The following PPTC7 variants were observed in gnomAD, a reference collection of about 807,000 sequenced individuals.
PPTC7 encodes the protein protein phosphatase PTC7 homolog.
PPTC7 carries 6 observed loss-of-function variants against 30.8 expected under a neutral mutation model. That is an observed-to-expected ratio of 0.19 (90% CI 0.11 to 0.38). The LOEUF (loss-of-function observed/expected upper bound fraction) is 0.38, where lower values mean the gene tolerates loss of function less well. Ranked by LOEUF, PPTC7 falls within the 10% of genes least tolerant of loss-of-function variation. PPTC7 has a pLI of 1.00. For synonymous variants in PPTC7, 163 were observed against 168.1 expected (o/e 0.97, Z 0.23); for missense variants, 218 against 404.8 (o/e 0.54, Z 3.96).
chr12:110,561,124 T>C (rs1364596281), intron 1 of PPTC7, among the ~76,000 whole-genome samples: 2 of 152,202 alleles, frequency 1.3e-5, no homozygotes, highest in Non-Finnish European at 2.9e-5. Context: ...GCAATATTTA[T>C]TGCAGTACGA....
At position 110,539,803 on chromosome 12, in the gene PPTC7, T is replaced by A. The variant is rs1176819291; in HGVS notation, c.726+19A>T. On this transcript the variant is annotated intron_variant, in intron 4 of 5. Coordinates refer to ENST00000354300, the MANE Select transcript of PPTC7 (RefSeq NM_139283.2). ...AGAGAGGGCCACTTTTCCCAAGAGC[T>A]AACCTTTGAGTTAATTACCTTTAAC... The A allele has an allele frequency of 6.2e-7, 1 of 1,612,462 alleles. No homozygotes were observed. Among genetic ancestry groups the A allele is most frequent in the Non-Finnish European group, 8.5e-7 (1 of 1,179,196 alleles).
At position 110,583,143 on chromosome 12, in the gene PPTC7, A is replaced by C; in HGVS notation, c.-112T>G. ...TCGCGCCGCCGCTGGGGCGCTCCTC[A>C]GGGCGGCGCGCAGTGGCCGCCGCCG... On this transcript the variant is annotated 5_prime_UTR_variant, in exon 1 of 6. Coordinates refer to ENST00000354300, the MANE Select transcript of PPTC7 (RefSeq NM_139283.2). The C allele has an allele frequency of 1.3e-6, 1 of 750,138 alleles. No homozygotes were observed. The highest frequency in any genetic ancestry group is 1.8e-6 in the Non-Finnish European group (1 of 568,100). 46.5% of individuals were successfully genotyped at this position (750,138 alleles called of 1,614,324 possible).
intron 1 of PPTC7, among the ~76,000 whole-genome samples, chr12:110,557,372 T>A (rs1167357362): frequency 6.6e-6 from 1 of 152,180 alleles, no homozygotes; most frequent in African/African-American, 2.4e-5. Context: ...ACTCCTGGGC[T>A]CAAGTATTCC....
intron 1 of PPTC7, among the ~76,000 whole-genome samples, chr12:110,552,920 A>C (rs989862816): frequency 6.6e-6 from 1 of 151,972 alleles, no homozygotes; most frequent in Non-Finnish European, 1.5e-5. Flanking sequence ...ACTTAGTATG[A>C]AAAAAAGTAA....
intron 1 of PPTC7, among the ~76,000 whole-genome samples, chr12:110,556,730 C>A (rs143419451): frequency 6.6e-6 from 1 of 152,188 alleles, no homozygotes; most frequent in Non-Finnish European, 1.5e-5. Context: ...GCATGCTGCG[C>A]TAGGAAATAA....
At chr12:110,580,103 C>T (rs960457622) in intron 1 of PPTC7, among the ~76,000 whole-genome samples, 1 of 151,876 alleles carries the variant, frequency 6.6e-6, no homozygotes, top group Non-Finnish European at 1.5e-5. Context: ...AGGGTCAGAT[C>T]GTCCATTCCC....
At chr12:110,539,090 C>A (rs1296580005) in intron 4 of PPTC7, among the ~76,000 whole-genome samples, 3 of 152,184 alleles carry the variant, frequency 2.0e-5, no homozygotes, top group Non-Finnish European at 4.4e-5. Flanking sequence ...ACTGACTGCA[C>A]TCCACAGACA....
At chr12:110,563,862 T>C (rs1236204206) in intron 1 of PPTC7, among the ~76,000 whole-genome samples, 1 of 152,242 alleles carries the variant, frequency 6.6e-6, no homozygotes, top group Non-Finnish European at 1.5e-5. Flanking sequence ...TTCTGGGCAG[T>C]TGCCTTGTCT....
intron 1 of PPTC7, among the ~76,000 whole-genome samples, chr12:110,572,358 T>G (rs891337610): frequency 7.2e-5 from 11 of 152,116 alleles, no homozygotes; most frequent in African/African-American, 2.7e-4. Flanking sequence ...GGAGAATCGC[T>G]TGAACCCGGG....
chr12:110,557,417 GAC>G (rs1198582168), intron 1 of PPTC7, among the ~76,000 whole-genome samples: 3 of 151,980 alleles, frequency 2.0e-5, no homozygotes, highest in Non-Finnish European at 4.4e-5. Context: ...TGGGATTACA[GAC>G]ACACCCTGAT....
chr12:110,577,859 A>ATGTTAT (rs1365596545), intron 1 of PPTC7, among the ~76,000 whole-genome samples: 5 of 152,162 alleles, frequency 3.3e-5, no homozygotes, highest in African/African-American at 1.2e-4. Flanking sequence ...CATGCAGAGG[A>ATGTTAT]GTTTTTGTTG....
intron 1 of PPTC7, among the ~76,000 whole-genome samples, chr12:110,576,522 T>C (rs1476793179): frequency 2.6e-5 from 4 of 152,192 alleles, no homozygotes; most frequent in Non-Finnish European, 5.9e-5. Context: ...ATAAATATAA[T>C]GGAACATTAT....
chr12:110,574,733 A>G (rs983598103), intron 1 of PPTC7, among the ~76,000 whole-genome samples: 1 of 152,134 alleles, frequency 6.6e-6, no homozygotes, highest in Non-Finnish European at 1.5e-5. Flanking sequence ...CTGTTAGGAA[A>G]CAAATTATTT....
chr12:110,547,828 G>C (rs957705965), intron 2 of PPTC7, among the ~76,000 whole-genome samples: 1 of 152,168 alleles, frequency 6.6e-6, no homozygotes, highest in Non-Finnish European at 1.5e-5. Flanking sequence ...GAATAGTTCA[G>C]GCGTGGTGGG....
chr12:110,581,133 G>A (rs2064633727), intron 1 of PPTC7, among the ~76,000 whole-genome samples: 2 of 152,138 alleles, frequency 1.3e-5, no homozygotes, highest in Non-Finnish European at 2.9e-5. Flanking sequence ...AAGCAACACA[G>A]GGGCCAGGCT....
chr12:110,533,594 GTTTT>G lies in PPTC7; in HGVS notation c.*3439_*3442del, dbSNP rs988418822. ...TGTTTTGTTTCATAAGCAGATTTTG[GTTTT>G]TTGATACTGTAAAATTTTTAAAATG... is the stretch of plus-strand genomic sequence containing the variant. On this transcript the variant is annotated 3_prime_UTR_variant, in exon 6 of 6. Transcript: ENST00000354300. 2 of 152,098 alleles carry G rather than the reference GTTTT, an allele frequency of 1.3e-5. No individual in the cohort carries two copies. Among genetic ancestry groups the G allele is most frequent in the African/African-American group, 2.4e-5 (1 of 41,410 alleles). 9.4% of individuals were successfully genotyped at this position (152,098 alleles called of 1,614,324 possible).
intron 1 of PPTC7, among the ~76,000 whole-genome samples, chr12:110,570,948 C>A (rs1348216831): frequency 2.6e-5 from 4 of 152,256 alleles, no homozygotes; most frequent in African/African-American, 9.6e-5. Flanking sequence ...TTTTCCAAAT[C>A]TCTCGTCCCA....
intron 2 of PPTC7, among the ~76,000 whole-genome samples, chr12:110,549,513 G>A (rs2064335343): frequency 6.6e-6 from 1 of 152,102 alleles, no homozygotes; most frequent in African/African-American, 2.4e-5. Flanking sequence ...GCCTAGAGAT[G>A]TGTAGATTTT....
chr12:110,570,231 G>A (rs374876286), intron 1 of PPTC7, among the ~76,000 whole-genome samples: 3 of 143,640 alleles, frequency 2.1e-5, no homozygotes, highest in East Asian at 4.0e-4. Flanking sequence ...GATTAAGGGC[G>A]GTGCAGGATG....
Sources: allele counts gnomAD v4.1 joint callset (sites outside exome capture counted in the v4.1 genomes callset), GRCh38; gene constraint gnomAD v4.1.1; transcripts MANE v1.5; gene names NCBI Gene and HGNC (gene_info 2026-07-23, HGNC 2026-07-21).